Variants in ACAD9 observed in about 807,000 individuals in gnomAD.
The protein encoded by ACAD9 is acyl-CoA dehydrogenase family member 9.
A neutral mutation model predicts 70.2 loss-of-function variants in ACAD9; 53 were observed. The ratio of observed to expected loss-of-function variants is 0.75; its 90% CI spans 0.61 to 0.95. ACAD9 has a LOEUF of 0.95. Ranked by LOEUF, ACAD9 falls within the 40% of genes least tolerant of loss-of-function variation. The probability of loss-of-function intolerance (pLI) is 0.00; values close to 1 mark genes in which losing one functional copy is unlikely to be tolerated. For synonymous variants in ACAD9, 313 were observed against 312.1 expected (o/e 1.00, Z -0.03); for missense variants, 777 against 802.8 (o/e 0.97, Z 0.39).
chr3:128,909,701 G>A, intron 15 of ACAD9: 1 of 600,420 alleles, frequency 1.7e-6, no homozygotes, highest in Non-Finnish European at 2.9e-6. Flanking sequence ...TCCACCTGGG[G>A]CCTGAATCTA....
At chr3:128,895,550 C>T in intron 4 of ACAD9, 134 bp downstream of exon 4, 2 of 800,686 alleles carry the variant, frequency 2.5e-6, no homozygotes, top group Non-Finnish European at 4.2e-6. Flanking sequence ...TCAGTTCCCT[C>T]ACTCTGGCCA....
intron 9 of ACAD9, among the ~76,000 whole-genome samples, chr3:128,903,429 C>T (rs1004569230): frequency 4.6e-5 from 7 of 152,232 alleles, no homozygotes; most frequent in Admixed American, 2.6e-4. Context: ...TGGGGAGCTC[C>T]TCTGCTGGGG....
intron 12 of ACAD9, 123 bp from the exon 13 acceptor site, chr3:128,908,062 C>T: frequency 3.3e-6 from 3 of 915,118 alleles, no homozygotes; most frequent in East Asian, 4.8e-5. Context: ...CCAGCTACTT[C>T]AGGAGCAGTG....
chr3:128,911,041 G>C (rs919184815), intron 17 of ACAD9, among the ~76,000 whole-genome samples: 1 of 150,980 alleles, frequency 6.6e-6, no homozygotes, highest in Non-Finnish European at 1.5e-5. Context: ...ATATATGTGT[G>C]TGTGTGTATG....
intron 9 of ACAD9, among the ~76,000 whole-genome samples, chr3:128,903,192 C>G (rs1365218069): frequency 6.6e-6 from 1 of 152,210 alleles, no homozygotes; most frequent in Non-Finnish European, 1.5e-5. Context: ...GTGGTGGAAG[C>G]ATTTGCGGGG....
chr3:128,881,347 A>C (rs1291142474), intron 1 of ACAD9, among the ~76,000 whole-genome samples: 1 of 152,184 alleles, frequency 6.6e-6, no homozygotes, highest in Non-Finnish European at 1.5e-5. Context: ...CTCAGCTGTC[A>C]GCTTTGCTTC....
chr3:128,908,610 T>G, intron 13 of ACAD9: 1 of 538,186 alleles, frequency 1.9e-6, no homozygotes, highest in Non-Finnish European at 3.4e-6. Context: ...AGTGTTTCTC[T>G]TCTCTGCCCT....
chr3:128,907,903 T>A (rs2107660969), intron 12 of ACAD9, among the ~76,000 whole-genome samples: 1 of 152,362 alleles, frequency 6.6e-6, no homozygotes, highest in Admixed American at 6.5e-5. Context: ...GTTTCCATTT[T>A]ACAGAGGACC....
At chr3:128,910,350 T>C (rs1936137011) in intron 16 of ACAD9, 1 of 1,468,048 alleles carries the variant, frequency 6.8e-7, no homozygotes, top group African/African-American at 1.4e-5. Context: ...GAAGAGGGGG[T>C]GAGTGACAGG....
chr3:128,893,768 T>G (rs1935489341), intron 3 of ACAD9, 112 bp downstream of exon 3: 1 of 892,760 alleles, frequency 1.1e-6, no homozygotes, highest in Non-Finnish European at 1.8e-6. Context: ...GGTGGGCTAC[T>G]TGGTAGGGGT....
At position 128,906,212 on chromosome 3, in the gene ACAD9, G is replaced by A. The variant is rs1935884990; in HGVS notation, c.1241G>A (p.Arg414His). 1 of 1,614,188 alleles carries A rather than the reference G, an allele frequency of 6.2e-7. No individual in the cohort carries two copies. Among genetic ancestry groups the A allele is most frequent in the Non-Finnish European group, 8.5e-7 (1 of 1,180,046 alleles). Residue 414 changes from arginine (R) to histidine (H), a missense_variant, in exon 12 of 18, where the codon CGC (arginine) becomes CAC (histidine). By Grantham distance (29) the Arg-to-His change is conservative. Transcript: ENST00000308982. ...TACACAAGGGACTATCCGTACGAGC[G>A]CATACTGCGTGACACCCGCATCCTC... ...LGYTRDYPYERILRDTRILLI... is the reference protein window; with the variant it reads ...LGYTRDYPYEHILRDTRILLI...
chr3:128,896,384 A>G (rs1576338421), intron 4 of ACAD9, 52 bp from the exon 5 acceptor site: 3 of 1,547,914 alleles, frequency 1.9e-6, no homozygotes, highest in Non-Finnish European at 2.7e-6. Flanking sequence ...CAAACACCTC[A>G]TGCTCTCCTT....
At chr3:128,886,945 T>C (rs1935268472) in intron 2 of ACAD9, among the ~76,000 whole-genome samples, 2 of 152,050 alleles carry the variant, frequency 1.3e-5, no homozygotes, top group South Asian at 4.1e-4. Context: ...TGTTTGTTTC[T>C]GAGACAGTCT....
intron 1 of ACAD9, among the ~76,000 whole-genome samples, chr3:128,883,526 T>G (rs1935157042): frequency 6.6e-6 from 1 of 151,896 alleles, no homozygotes; most frequent in African/African-American, 2.4e-5. Context: ...CCCGTGTAAT[T>G]TTTGTATTTT....
chr3:128,912,939 G>A lies in ACAD9; in HGVS notation c.*332G>A, dbSNP rs780481747. 68 of 519,906 alleles carry A rather than the reference G, an allele frequency of 1.3e-4. No homozygotes were observed. The highest frequency in any genetic ancestry group is 2.0e-4 in the Non-Finnish European group (53 of 267,340). The allele number at this position is 519,906 out of a possible 1,614,324, so 32.2% of individuals were successfully genotyped here. On this transcript the variant is annotated 3_prime_UTR_variant, in exon 18 of 18. Transcript: ENST00000308982. The stretch of plus-strand genomic sequence containing the variant: ...TGCTGCTGCCTCCAGGGTGTGAGGT[G>A]GGTGGGGACCTGTGTCAGGTGTGGA...
chr3:128,884,533 G>A (rs892800284), intron 1 of ACAD9, 120 bp from the exon 2 acceptor site: 7 of 727,490 alleles, frequency 9.6e-6, no homozygotes, highest in Admixed American at 4.5e-5. Flanking sequence ...CCTTCAGTAC[G>A]TCATGTCCCG....
chr3:128,896,457 G>A lies in ACAD9; in HGVS notation c.475G>A (p.Glu159Lys), dbSNP rs772192871. The A allele has an allele frequency of 1.3e-5, 21 of 1,614,230 alleles. No homozygotes were observed. The South Asian group carries it at 2.3e-4, about 18-fold the overall frequency. ...GLKGIILAGT[E>K]EQKAKYLPKL... ...TTAGGGGATCATCTTGGCTGGCACTGAGGAGCAGAAAGCCAAATACTTGCC... is the reference window on the plus strand; with the variant it reads ...TTAGGGGATCATCTTGGCTGGCACTAAGGAGCAGAAAGCCAAATACTTGCC... The change falls in exon 5 of 18, where the codon GAG becomes AAG. Residue 159 changes from glutamate to lysine, a missense_variant. Transcript: ENST00000308982.
intron 2 of ACAD9, among the ~76,000 whole-genome samples, chr3:128,892,839 T>G (rs753072553): frequency 6.6e-6 from 1 of 152,212 alleles, no homozygotes; most frequent in Non-Finnish European, 1.5e-5. Context: ...TTCTGAGACT[T>G]GCATATTTAT....
rs1164072308 is a variant in ACAD9 at position 128,879,753 on chromosome 3, T to C, written c.62T>C (p.Val21Ala). Reference protein sequence around the residue: ...TAAARACRGLVVSTANRRLLR... With the variant: ...TAAARACRGLAVSTANRRLLR... ...GCGGCTCGTGCCTGCCGGGGTCTGG[T>C]GGTCTCTACCGCGAACCGGCGGCTA... is the stretch of plus-strand genomic sequence containing the variant. Residue 21 changes from valine to alanine, a missense_variant, in exon 1 of 18, where the codon GTG becomes GCG. Transcript: ENST00000308982. 3 of 1,613,084 alleles carry C rather than the reference T, an allele frequency of 1.9e-6. No homozygotes were observed. In the African/African-American group the frequency reaches 4.0e-5, roughly 22 times the overall value.
Sources: gnomAD v4.1 joint callset for allele counts (sites outside exome capture counted in the v4.1 genomes callset) on GRCh38, gnomAD v4.1.1 for gene constraint, MANE v1.5 for transcripts, NCBI Gene and HGNC (gene_info 2026-07-23, HGNC 2026-07-21) for gene names.